The following RAPGEF1 variants were observed in gnomAD, a reference collection of about 807,000 sequenced individuals.
RAPGEF1 encodes CRK SH3-binding GNRP.
A neutral mutation model predicts 143.3 loss-of-function variants in RAPGEF1; 33 were observed. That is an observed-to-expected ratio of 0.23 (90% CI 0.17 to 0.31). The LOEUF is 0.31. Ranked by LOEUF, RAPGEF1 falls within the 10% of genes least tolerant of loss-of-function variation. RAPGEF1 has a pLI of 1.00. For synonymous variants in RAPGEF1, 629 were observed against 676.5 expected (o/e 0.93, Z 1.09); for missense variants, 1,199 against 1,645.4 (o/e 0.73, Z 4.69).
chr9:131,600,994 A>G (rs930345867), intron 15 of RAPGEF1, among the ~76,000 whole-genome samples: 9 of 152,080 alleles, frequency 5.9e-5, no homozygotes, highest in African/African-American at 2.2e-4. Context: ...TCTCTACTAA[A>G]AATACAAAAT....
rs1952119759 is a variant in RAPGEF1, at chr9:131,583,037, G to A, written c.3415-335C>T. 6.6e-6 allele frequency among the ~76,000 whole-genome samples: 1 copy of A among 152,164 alleles called. No individual in the cohort carries two copies. Among genetic ancestry groups the A allele is most frequent in the South Asian group, 2.1e-4 (1 of 4,832 alleles). ...GATGGGCTCCTGCCTGGCCCTGTTC[G>A]GCGGTGCAGCCAGAGGAGCTTCCCA... is the stretch of plus-strand genomic sequence containing the variant. On this transcript the variant is annotated intron_variant, in intron 24 of 26. Coordinates refer to ENST00000683357, the MANE Select transcript of RAPGEF1 (RefSeq NM_001377935.1). This position sits in a 1 kb window ranked among gnomAD's most constrained non-coding sequence, Gnocchi z 4.7.
At chr9:131,662,550 T>TG (rs150663952) in intron 1 of RAPGEF1, among the ~76,000 whole-genome samples, 5,272 of 150,510 alleles carry the variant, frequency 0.035, 199 homozygotes, top group East Asian at 0.091. Flanking sequence ...TGTTTTATTT[T>TG]GTTTTTTTTT....
At chr9:131,723,514 AGT>A in intron 1 of RAPGEF1, among the ~76,000 whole-genome samples, 1 of 152,322 alleles carries the variant, frequency 6.6e-6, no homozygotes, top group East Asian at 1.9e-4. Flanking sequence ...CTCACGGTCT[AGT>A]GGAATCATAT....
At chr9:131,604,790 G>A in intron 13 of RAPGEF1, 141 bp downstream of exon 13, 6 of 1,142,866 alleles carry the variant, frequency 5.2e-6, no homozygotes, top group Non-Finnish European at 6.7e-6. Context: ...GCCAGCAGGT[G>A]TGCGCTGGCA....
intron 1 of RAPGEF1, among the ~76,000 whole-genome samples, chr9:131,722,214 C>T (rs1433529582): frequency 1.3e-5 from 2 of 152,318 alleles, no homozygotes; most frequent in East Asian, 3.9e-4. Flanking sequence ...CCAGGTGGCG[C>T]TCCCACTCAC....
intron 1 of RAPGEF1, among the ~76,000 whole-genome samples, chr9:131,686,155 A>C (rs1833332124): frequency 6.6e-6 from 1 of 152,240 alleles, no homozygotes; most frequent in South Asian, 2.1e-4. Flanking sequence ...TTGAAGGGCA[A>C]CATACGAAAC....
chr9:131,709,531 C>G, intron 1 of RAPGEF1: 1 of 1,235,162 alleles, frequency 8.1e-7, no homozygotes, highest in Non-Finnish European at 1.2e-6. Context: ...GGTGATTCCC[C>G]AGGCACTTCA....
intron 1 of RAPGEF1, among the ~76,000 whole-genome samples, chr9:131,719,589 C>G (rs1836112938): frequency 8.3e-6 from 1 of 120,156 alleles, no homozygotes; most frequent in Non-Finnish European, 1.6e-5. Context: ...GAGACAGTCT[C>G]ACTCTGTCAC....
intron 1 of RAPGEF1, among the ~76,000 whole-genome samples, chr9:131,723,301 T>C (rs1463190568): frequency 2.6e-5 from 4 of 152,332 alleles, no homozygotes; most frequent in African/African-American, 9.6e-5. Context: ...ACATTTGCCA[T>C]CTTAATCATT....
intron 14 of RAPGEF1, 100 bp from the exon 15 acceptor site, chr9:131,602,249 T>C: frequency 3.9e-6 from 3 of 774,228 alleles, no homozygotes; most frequent in Non-Finnish European, 6.3e-6. Context: ...GGAGTGCAAG[T>C]TCCTATGGAG....
intron 22 of RAPGEF1, among the ~76,000 whole-genome samples, chr9:131,586,920 C>T (rs1169643282): frequency 1.2e-5 from 1 of 86,716 alleles, no homozygotes; most frequent in Non-Finnish European, 2.1e-5. Context: ...AGCGAGACTC[C>T]GTCTCAAACA....
At chr9:131,727,827 C>T (rs1225455288) in intron 1 of RAPGEF1, among the ~76,000 whole-genome samples, 1 of 152,066 alleles carries the variant, frequency 6.6e-6, no homozygotes, top group Non-Finnish European at 1.5e-5. Flanking sequence ...AAAACAAGGA[C>T]AGATCATGCA....
chr9:131,720,399 G>C (rs1836179849), intron 1 of RAPGEF1, among the ~76,000 whole-genome samples: 1 of 152,112 alleles, frequency 6.6e-6, no homozygotes. Flanking sequence ...ACTTTGAGTG[G>C]TGGTTCCAAA....
intron 12 of RAPGEF1, among the ~76,000 whole-genome samples, chr9:131,612,152 TG>T (rs1327437177): frequency 6.6e-6 from 1 of 152,222 alleles, no homozygotes; most frequent in Non-Finnish European, 1.5e-5. Context: ...TTACAAGGAA[TG>T]GGGATCCTGT....
chr9:131,607,411 C>T (rs1256182255), intron 12 of RAPGEF1, among the ~76,000 whole-genome samples: 3 of 152,178 alleles, frequency 2.0e-5, no homozygotes, highest in Admixed American at 6.5e-5. Context: ...CCTGGGAGCT[C>T]GCTCTGGGCC....
Position 131,630,278 on chromosome 9 carries a change from G to A in RAPGEF1, c.698C>T (p.Thr233Met), listed in dbSNP as rs751308874. ...AGGGGAACTGGGCTTCACGGGGCTC[G>A]TCGGAGACGGACGTCCCTGCTTCTC... ...TIEKQGRPSP[T>M]SPVKPSSPAS... The change falls in exon 6 of 27, where the codon ACG (threonine) becomes ATG (methionine). Residue 233 changes from threonine (T) to methionine (M), a missense_variant. Physicochemically the swap from Thr to Met is moderately conservative, Grantham distance 81. This residue lies in a region of RAPGEF1 where 613 missense variants were observed against 710.9 expected (regional missense o/e 0.86). Transcript: ENST00000683357. 8.7e-6 allele frequency: 14 copies of A among 1,613,588 alleles called. No homozygotes were observed. Among genetic ancestry groups the A allele is most frequent in the African/African-American group, 5.3e-5 (4 of 74,854 alleles).
intron 1 of RAPGEF1, among the ~76,000 whole-genome samples, chr9:131,695,434 G>C (rs1001299940): frequency 7.2e-5 from 11 of 152,160 alleles, no homozygotes; most frequent in Admixed American, 6.5e-4. Flanking sequence ...TGGCACAACC[G>C]AAAAAGAGCA....
At chr9:131,585,974 T>C (rs1290007795) in intron 22 of RAPGEF1, among the ~76,000 whole-genome samples, 1 of 151,776 alleles carries the variant, frequency 6.6e-6, no homozygotes, top group Non-Finnish European at 1.5e-5. Context: ...GGCCAGGAGG[T>C]TGAGACCACC....
At chr9:131,700,729 A>G (rs1308206017) in intron 1 of RAPGEF1, among the ~76,000 whole-genome samples, 1 of 152,254 alleles carries the variant, frequency 6.6e-6, no homozygotes, top group East Asian at 1.9e-4. Flanking sequence ...TCCTTATTAC[A>G]GTGGTGAGAA....
Sources: gnomAD v4.1 joint callset for allele counts (sites outside exome capture counted in the v4.1 genomes callset) on GRCh38, gnomAD v4.1.1 for gene constraint, gnomAD v4.1.1 regional missense constraint, Gnocchi (gnomAD v3.1) non-coding constraint, MANE v1.5 for transcripts, NCBI Gene and HGNC (gene_info 2026-07-23, HGNC 2026-07-21) for gene names.